The following TBXAS1 variants were observed in gnomAD, a reference collection of about 807,000 sequenced individuals.
TBXAS1 encodes thromboxane A synthase 1.
TBXAS1 carries 48 observed loss-of-function variants against 60.7 expected under a neutral mutation model. That is an observed-to-expected ratio of 0.79 (90% CI 0.63 to 1.01). The LOEUF is 1.01. Ranked by LOEUF, TBXAS1 falls within the 50% of genes least tolerant of loss-of-function variation. TBXAS1 has a pLI of 0.00. For synonymous variants in TBXAS1, 287 were observed against 269.7 expected (o/e 1.06, Z -0.63); for missense variants, 685 against 686.3 (o/e 1.00, Z 0.02).
rs115467870 is a variant in TBXAS1 at position 139,931,146 on chromosome 7, G to A, written c.334-5045G>A. ...ATCTTGAACAAGTTCAATAACCACA[G>A]AATACTTTCCCTGACGTTAAATGCT... is the stretch of plus-strand genomic sequence containing the variant. On this transcript the variant is annotated intron_variant, in intron 4 of 12. Coordinates refer to ENST00000448866, the MANE Select transcript of TBXAS1 (RefSeq NM_001061.7). 4.1e-3 allele frequency among the ~76,000 whole-genome samples: 631 copies of A among 152,090 alleles called. 4 individuals carry two copies. Among genetic ancestry groups the A allele is most frequent in the Middle Eastern group, 0.024 (7 of 294 alleles).
chr7:139,955,363 A>G (rs41316462), intron 6 of TBXAS1, 96 bp from the exon 7 acceptor site: 55 of 1,517,072 alleles, frequency 3.6e-5, no homozygotes, highest in Non-Finnish European at 4.6e-5. Context: ...TGGGCAAGCC[A>G]GTGTAAGCAA....
At chr7:139,904,151 A>T (rs1165317486) in intron 3 of TBXAS1, among the ~76,000 whole-genome samples, 2 of 152,018 alleles carry the variant, frequency 1.3e-5, no homozygotes, top group Non-Finnish European at 2.9e-5. Flanking sequence ...GATCCAGTTT[A>T]TTCTCCTACA....
At chr7:139,794,882 T>C (rs1428574329) in intron 4 of TBXAS1, among the ~76,000 whole-genome samples, 21 of 149,678 alleles carry the variant, frequency 1.4e-4, no homozygotes, top group South Asian at 1.3e-3. Context: ...CCATGGTGTA[T>C]ATGTGCCACA....
intron 3 of TBXAS1, among the ~76,000 whole-genome samples, chr7:139,889,732 C>T (rs1803408709): frequency 6.6e-6 from 1 of 152,196 alleles, no homozygotes; most frequent in Non-Finnish European, 1.5e-5. Context: ...TCCCTAGGGC[C>T]TCCTTTATAA....
chr7:139,808,419 A>T (rs962517354), intron 4 of TBXAS1, among the ~76,000 whole-genome samples: 1 of 152,166 alleles, frequency 6.6e-6, no homozygotes, highest in Non-Finnish European at 1.5e-5. Context: ...TATTTTTAGC[A>T]TTTATTATCT....
intron 2 of TBXAS1, among the ~76,000 whole-genome samples, chr7:139,782,227 A>G (rs1036737742): frequency 2.9e-4 from 44 of 151,144 alleles, no homozygotes; most frequent in African/African-American, 1.1e-3. Flanking sequence ...TTAACAGTAC[A>G]TGGAACTCTA....
At chr7:139,996,087 G>A (rs1030071838) in intron 9 of TBXAS1, among the ~76,000 whole-genome samples, 1 of 151,466 alleles carries the variant, frequency 6.6e-6, no homozygotes, top group Non-Finnish European at 1.5e-5. Context: ...TTCCACCTCG[G>A]CCTCCCGAGT....
At chr7:139,992,896 T>A (rs1398928747) in intron 9 of TBXAS1, among the ~76,000 whole-genome samples, 1 of 152,182 alleles carries the variant, frequency 6.6e-6, no homozygotes, top group Non-Finnish European at 1.5e-5. Flanking sequence ...TTAGGCCTGG[T>A]GCAGTGGCTC....
At chr7:139,849,641 C>A (rs1170404367) in intron 1 of TBXAS1, among the ~76,000 whole-genome samples, 4 of 152,006 alleles carry the variant, frequency 2.6e-5, no homozygotes, top group African/African-American at 9.7e-5. Context: ...TGACTGATGA[C>A]GGAGCATGAG....
At chr7:139,811,323 G>A (rs1002904415) in intron 4 of TBXAS1, among the ~76,000 whole-genome samples, 1 of 152,178 alleles carries the variant, frequency 6.6e-6, no homozygotes, top group South Asian at 2.1e-4. Context: ...GCAAAGCCGT[G>A]GTGTGGGTAA....
chr7:139,806,740 T>C (rs1330606415), intron 4 of TBXAS1, among the ~76,000 whole-genome samples: 2 of 152,164 alleles, frequency 1.3e-5, no homozygotes, highest in Non-Finnish European at 2.9e-5. Context: ...TCTCTGGCTG[T>C]GCCCTCCCCA....
intron 4 of TBXAS1, 24 bp from the exon 5 acceptor site, chr7:139,936,167 C>T (rs757675696): frequency 1.2e-6 from 2 of 1,613,266 alleles, no homozygotes; most frequent in Non-Finnish European, 1.7e-6. Context: ...GAGTCCTGAC[C>T]CTCTGCTTGT....
intron 1 of TBXAS1, among the ~76,000 whole-genome samples, chr7:139,848,866 G>T (rs1477445815): frequency 3.3e-5 from 5 of 152,096 alleles, no homozygotes. Context: ...TACAGATGGG[G>T]CATGAAGCAT....
chr7:139,853,881 C>T (rs1040996480), intron 1 of TBXAS1, among the ~76,000 whole-genome samples: 1 of 152,142 alleles, frequency 6.6e-6, no homozygotes, highest in Admixed American at 6.5e-5. Context: ...GGCAATCATC[C>T]CCAGTAGGGA....
At chr7:139,847,688 C>T (rs1382896487) in intron 1 of TBXAS1, among the ~76,000 whole-genome samples, 3 of 152,174 alleles carry the variant, frequency 2.0e-5, no homozygotes, top group Non-Finnish European at 2.9e-5. Context: ...ACCCCCGACC[C>T]CTGCAATAAG....
At chr7:139,863,163 C>T (rs1801092050) in intron 1 of TBXAS1, among the ~76,000 whole-genome samples, 1 of 152,158 alleles carries the variant, frequency 6.6e-6, no homozygotes, top group Non-Finnish European at 1.5e-5. Flanking sequence ...ACACAGGAAA[C>T]TAAAAACTAT....
intron 3 of TBXAS1, among the ~76,000 whole-genome samples, chr7:139,886,386 A>ATTTTTT (rs8192818): frequency 7.0e-5 from 7 of 99,632 alleles, no homozygotes; most frequent in Non-Finnish European, 1.2e-4. Context: ...TTGCAGATGA[A>ATTTTTT]TTTTTTTTTT....
In TBXAS1 at chr7:140,013,309, G is replaced by C. The variant is rs13227152; in HGVS notation, c.1227-2414G>C. Among the ~76,000 whole-genome samples the C allele has an allele frequency of 0.042, 6,428 of 152,272 alleles. 169 individuals are homozygous for C. Among genetic ancestry groups the C allele is most frequent in the South Asian group, 0.12 (555 of 4,814 alleles). ...GAAGCCAACAGTGAAGCTGTTTCTT[G>C]GTTCAGAGGTTTATCTTCCTCGGCA... On this transcript the variant is annotated intron_variant, in intron 10 of 12. Coordinates refer to ENST00000448866, the MANE Select transcript of TBXAS1 (RefSeq NM_001061.7). This position sits in a 1 kb window ranked among gnomAD's most constrained non-coding sequence, Gnocchi z 4.2.
chr7:139,888,292 T>C (rs576141291), intron 3 of TBXAS1, among the ~76,000 whole-genome samples: 3 of 152,286 alleles, frequency 2.0e-5, no homozygotes, highest in East Asian at 3.9e-4. Context: ...AAGTTTCCTC[T>C]TTCCCACCAG....
Sources: allele counts gnomAD v4.1 joint callset (sites outside exome capture counted in the v4.1 genomes callset), GRCh38; gene constraint gnomAD v4.1.1; non-coding constraint Gnocchi (gnomAD v3.1); transcripts MANE v1.5; gene names NCBI Gene and HGNC (gene_info 2026-07-23, HGNC 2026-07-21).